The following LARP1B variants were observed in gnomAD, a reference collection of about 807,000 sequenced individuals.
LARP1B encodes la-related protein 1B.
In LARP1B, 76 loss-of-function variants were observed where a neutral mutation model predicts 114.2. The ratio of observed to expected loss-of-function variants is 0.67; its 90% CI spans 0.55 to 0.81. LARP1B has a LOEUF of 0.81. LARP1B is among the 30% of genes least tolerant of loss of function. The pLI is 0.00. For synonymous variants in LARP1B, 345 were observed against 348.0 expected, an observed-to-expected ratio of 0.99 and a Z score of 0.10; for missense variants, 1,014 against 1,075.8, an observed-to-expected ratio of 0.94 and a Z score of 0.80.
Position 128,210,454 on chromosome 4 carries a change from T to C in LARP1B, c.*401T>C. Reference sequence around the variant, plus strand: ...TTCTTAAAGAAGATATAGTATGTTGTATTCTCTTCTTAGAGCTTTCTTAAA... The same window carrying C: ...TTCTTAAAGAAGATATAGTATGTTGCATTCTCTTCTTAGAGCTTTCTTAAA... On this transcript the variant is annotated 3_prime_UTR_variant, in exon 20 of 20. Coordinates refer to ENST00000326639, the MANE Select transcript of LARP1B (RefSeq NM_018078.4). 1.0e-6 allele frequency: 1 copy of C among 1,003,334 alleles called. No individual in the cohort carries two copies. Among genetic ancestry groups the C allele is most frequent in the South Asian group, 4.2e-5 (1 of 23,680 alleles). 62.2% of individuals were successfully genotyped at this position (1,003,334 alleles called of 1,614,324 possible). A position where few individuals can be genotyped will look rare whatever the true frequency, so the allele number is the denominator to read the frequency against.
chr4:128,155,500 G>T (rs915007247), intron 11 of LARP1B: 33 of 789,814 alleles, frequency 4.2e-5, no homozygotes, highest in South Asian at 4.2e-4. Flanking sequence ...GTTCCACCTC[G>T]TGCCAAGGAT....
chr4:128,166,736 C>T (rs969002819), intron 12 of LARP1B, among the ~76,000 whole-genome samples: 1 of 151,346 alleles, frequency 6.6e-6, no homozygotes, highest in Non-Finnish European at 1.5e-5. Flanking sequence ...TCTCCTTCAT[C>T]CCACCCTTGG....
At chr4:128,108,061 G>A in intron 9 of LARP1B, 1 of 1,459,608 alleles carries the variant, frequency 6.9e-7, no homozygotes, top group Non-Finnish European at 9.0e-7. Context: ...AGGAAGTTGG[G>A]CCAACACTGC....
chr4:128,155,568 G>A, intron 11 of LARP1B: 1 of 825,416 alleles, frequency 1.2e-6, no homozygotes, highest in Non-Finnish European at 2.2e-6. Context: ...ATTTTCTGGG[G>A]CCCAGCAGTT....
Position 128,167,324 on chromosome 4 carries a change from C to T in LARP1B, c.1648+5007C>T, listed in dbSNP as rs186912554. Among the ~76,000 whole-genome samples, 321 of 152,014 alleles carry T rather than the reference C, an allele frequency of 2.1e-3. 1 individual carries two copies. Among genetic ancestry groups the T allele is most frequent in the Non-Finnish European group, 3.6e-3 (245 of 67,852 alleles). On this transcript the variant is annotated intron_variant, in intron 12 of 19. Coordinates refer to ENST00000326639, the MANE Select transcript of LARP1B (RefSeq NM_018078.4). ...CATACTGTTTTCCACAATGGCTGCACCAGTGCACCTTTTCATATACCTGTT... is the reference window on the plus strand; with the variant it reads ...CATACTGTTTTCCACAATGGCTGCATCAGTGCACCTTTTCATATACCTGTT...
At chr4:128,168,288 TAAA>T (rs200997292) in intron 12 of LARP1B, among the ~76,000 whole-genome samples, 4 of 150,748 alleles carry the variant, frequency 2.7e-5, no homozygotes, top group East Asian at 1.9e-4. Flanking sequence ...GTTTTTTTTT[TAAA>T]AAATTTTGCC....
rs571996826 is a variant in LARP1B, at chr4:128,119,056, T to G, written c.1162-2770T>G. Among the ~76,000 whole-genome samples the G allele has an allele frequency of 1.1e-4, 16 of 152,082 alleles. No homozygotes were observed. In the South Asian group the frequency reaches 3.1e-3, roughly 30 times the overall value. ...CCGCCATGCCCAGCTAATTTTTTTG[T>G]GTATTTTTAATAGAGATGGGGTTTC... On this transcript the variant is annotated intron_variant, in intron 10 of 19. Coordinates refer to ENST00000326639, the MANE Select transcript of LARP1B (RefSeq NM_018078.4).
At chr4:128,107,707 AC>A (rs1782591138) in intron 9 of LARP1B, 1 of 1,443,166 alleles carries the variant, frequency 6.9e-7, no homozygotes, top group Non-Finnish European at 9.0e-7. Flanking sequence ...TGTTACCAAT[AC>A]GCTTTAATCT....
At chr4:128,129,280 G>A (rs992775421) in intron 11 of LARP1B, among the ~76,000 whole-genome samples, 2 of 146,340 alleles carry the variant, frequency 1.4e-5, no homozygotes, top group African/African-American at 5.0e-5. Flanking sequence ...GATTGAACCC[G>A]GAAGGCGGAG....
intron 4 of LARP1B, among the ~76,000 whole-genome samples, chr4:128,081,850 T>A (rs2149458678): frequency 6.6e-6 from 1 of 152,342 alleles, no homozygotes; most frequent in Non-Finnish European, 1.5e-5. Flanking sequence ...TTCTCGTGCC[T>A]CAGCCTCCCG....
chr4:128,168,421 A>T (rs1454319605), intron 12 of LARP1B, among the ~76,000 whole-genome samples: 1 of 151,498 alleles, frequency 6.6e-6, no homozygotes, highest in Non-Finnish European at 1.5e-5. Context: ...TCTTTTATTG[A>T]GTTGTTTCTT....
intron 12 of LARP1B, among the ~76,000 whole-genome samples, chr4:128,162,954 T>C (rs977072829): frequency 2.0e-5 from 3 of 152,168 alleles, no homozygotes; most frequent in African/African-American, 7.2e-5. Flanking sequence ...TATTTTTTTG[T>C]CCTTAAAGAT....
At chr4:128,067,320 T>G (rs1348753936) in intron 1 of LARP1B, among the ~76,000 whole-genome samples, 4 of 152,320 alleles carry the variant, frequency 2.6e-5, no homozygotes, top group African/African-American at 9.6e-5. Context: ...AGGTCTATCC[T>G]GCTCAAACTT....
chr4:128,155,621 C>T (rs1471744124), intron 11 of LARP1B: 8 of 1,266,952 alleles, frequency 6.3e-6, no homozygotes, highest in Non-Finnish European at 9.2e-6. Context: ...CCCCTACAAC[C>T]CCAGCCAGGA....
chr4:128,127,755 C>A (rs1020975705), intron 11 of LARP1B, among the ~76,000 whole-genome samples: 16 of 152,114 alleles, frequency 1.1e-4, no homozygotes, highest in Non-Finnish European at 2.2e-4. Context: ...ATTGCTTGAA[C>A]CCCGGGAGGT....
intron 12 of LARP1B, among the ~76,000 whole-genome samples, chr4:128,171,515 G>A (rs1216428786): frequency 2.0e-5 from 3 of 152,074 alleles, no homozygotes; most frequent in South Asian, 2.1e-4. Context: ...TCTTTCAAGC[G>A]TGTTTTACTT....
chr4:128,095,162 A>T (rs1319968118), intron 7 of LARP1B, among the ~76,000 whole-genome samples: 1 of 152,042 alleles, frequency 6.6e-6, no homozygotes, highest in Non-Finnish European at 1.5e-5. Context: ...TTAAGACTTC[A>T]GTGTTTAAAA....
At chr4:128,074,114 A>G (rs1186198310) in intron 1 of LARP1B, among the ~76,000 whole-genome samples, 2 of 151,192 alleles carry the variant, frequency 1.3e-5, no homozygotes, top group Admixed American at 6.6e-5. Flanking sequence ...CTGATTTTGT[A>G]TTTTTAGTAG....
chr4:128,193,578 C>T (rs1578568280), intron 15 of LARP1B, among the ~76,000 whole-genome samples: 1 of 151,810 alleles, frequency 6.6e-6, no homozygotes, highest in African/African-American at 2.4e-5. Flanking sequence ...ATGCTCTGAT[C>T]TGCTTTTTCT....
Sources: gnomAD v4.1 joint callset for allele counts (sites outside exome capture counted in the v4.1 genomes callset) on GRCh38, gnomAD v4.1.1 for gene constraint, MANE v1.5 for transcripts, NCBI Gene and HGNC (gene_info 2026-07-23, HGNC 2026-07-21) for gene names.